CTU2: variants seen among roughly 807,000 people sequenced by gnomAD.
The protein encoded by CTU2 is cytosolic thiouridylase subunit 2.
Under a neutral mutation model 64.1 loss-of-function variants are expected in CTU2, and 80 were observed. That is an observed-to-expected ratio of 1.25 (90% CI 1.04 to 1.50). The LOEUF (loss-of-function observed/expected upper bound fraction) is 1.50, where lower values mean the gene tolerates loss of function less well. Among genes scored for constraint, CTU2 ranks in the 40% most tolerant of loss-of-function variants. CTU2 has a pLI of 0.00. For missense variants in CTU2, 1,110 were observed against 690.2 expected, an observed-to-expected ratio of 1.61 and a Z score of -6.81; for synonymous variants, 482 against 285.3, an observed-to-expected ratio of 1.69 and a Z score of -6.95.
chr16:88,713,487 C>T (rs1489426047), intron 8 of CTU2, 40 bp downstream of exon 8: 6 of 1,556,318 alleles, frequency 3.9e-6, no homozygotes, highest in African/African-American at 2.8e-5. Flanking sequence ...CCATCCTCAC[C>T]TTCACCCCTT....
chr16:88,708,661 G>A (rs1433377865), intron 2 of CTU2, among the ~76,000 whole-genome samples: 1 of 152,106 alleles, frequency 6.6e-6, no homozygotes, highest in Non-Finnish European at 1.5e-5. Flanking sequence ...AGGAACCACA[G>A]GGGGGTCATT....
In CTU2 at chr16:88,712,253, C is replaced by CT. The variant is rs779427336; in HGVS notation, c.344-18dup. On this transcript the variant is annotated intron_variant, in intron 5 of 14. Coordinates refer to ENST00000453996, the MANE Select transcript of CTU2 (RefSeq NM_001012759.3). ...CCTGGCTCCTCTCTGAGCCCTGACTCTTTCTGCCTGGGTTTTTCAGAGGGA... is the reference window on the plus strand; with the variant it reads ...CCTGGCTCCTCTCTGAGCCCTGACTCTTTTCTGCCTGGGTTTTTCAGAGGGA... The CT allele has an allele frequency of 2.5e-6, 4 of 1,576,274 alleles. No homozygotes were observed. The South Asian group carries it at 4.6e-5, about 18-fold the overall frequency.
At chr16:88,715,154 C>G in intron 14 of CTU2, 28 bp from the exon 15 acceptor site, 1 of 1,610,258 alleles carries the variant, frequency 6.2e-7, no homozygotes, top group Non-Finnish European at 8.5e-7. Flanking sequence ...GGCCTCGGGG[C>G]TGGTGCCCAC....
At chr16:88,713,262 C>G (rs1163326238) in intron 7 of CTU2, 50 bp from the exon 8 acceptor site, 19 of 1,480,180 alleles carry the variant, frequency 1.3e-5, no homozygotes, top group Non-Finnish European at 1.7e-5. Context: ...GAGAGCCCCC[C>G]TTCCCCGGGT....
chr16:88,711,364 G>T (rs1911306585), intron 4 of CTU2, among the ~76,000 whole-genome samples: 1 of 152,142 alleles, frequency 6.6e-6, no homozygotes, highest in Non-Finnish European at 1.5e-5. Context: ...GGGCGTTGTT[G>T]GGACATCCAG....
rs924885838 is a variant in CTU2, at chr16:88,712,809, C to G, written c.641C>G (p.Ala214Gly). Reference sequence around the variant, plus strand: ...CCCCCGCTGGACCCCCAGAACCTGGCAAGACCGCCTGCCCCTGCCCAGACT... The same window carrying G: ...CCCCCGCTGGACCCCCAGAACCTGGGAAGACCGCCTGCCCCTGCCCAGACT... The part of the protein sequence containing the change: ...PQPPLDPQNL[A>G]RPPAPAQTEA... Residue 214 changes from alanine to glycine, a missense_variant, in exon 7 of 15, where the codon GCA becomes GGA. By Grantham distance (60) the Ala-to-Gly change is moderately conservative. Transcript: ENST00000453996. 13 of 1,605,774 alleles carry G rather than the reference C, an allele frequency of 8.1e-6. No homozygotes were observed. Among genetic ancestry groups the G allele is most frequent in the Non-Finnish European group, 1.1e-5 (13 of 1,176,738 alleles).
chr16:88,715,067 C>A lies in CTU2; in HGVS notation c.1439C>A (p.Pro480Gln). The A allele has an allele frequency of 6.4e-7, 1 of 1,572,150 alleles. No individual in the cohort carries two copies. The highest frequency in any genetic ancestry group is 1.7e-5 in the Admixed American group (1 of 57,568). ...MKDLPSLDPL[P>Q]PYILAEAQLR... is the part of the protein sequence containing the mutation. ...TTGCAGCCCTCACTGGACCCCCTGC[C>A]GCCGTACATCCTGGCTGAGGCCCAG... is the stretch of plus-strand genomic sequence containing the variant. Residue 480 changes from proline (P) to glutamine (Q), a missense_variant, in exon 14 of 15, where the codon CCG becomes CAG. By Grantham distance (76) the Pro-to-Gln change is moderately conservative. Coordinates refer to ENST00000453996, the MANE Select transcript of CTU2 (RefSeq NM_001012759.3).
chr16:88,712,521 C>T, intron 6 of CTU2, 101 bp from the exon 7 acceptor site: 6 of 1,510,060 alleles, frequency 4.0e-6, no homozygotes, highest in Non-Finnish European at 5.4e-6. Flanking sequence ...TGCCCGTGCC[C>T]CAGCCTCACT....
In CTU2 at chr16:88,715,137, G is replaced by A. The variant is rs201772751; in HGVS notation, c.1478+31G>A. On this transcript the variant is annotated intron_variant, in intron 14 of 14. Transcript: ENST00000453996. ...GGGGCCCACACTGCCGTGGCGCGTG[G>A]GTAAGGGGCCTCGGGGCTGGTGCCC... is the stretch of plus-strand genomic sequence containing the variant. 16 of 1,607,624 alleles carry A rather than the reference G, an allele frequency of 1.0e-5. No homozygotes were observed. The East Asian group carries it at 3.1e-4, about 31-fold the overall frequency.
chr16:88,709,671 C>A (rs1304335025), intron 2 of CTU2: 2 of 492,934 alleles, frequency 4.1e-6, no homozygotes, highest in Non-Finnish European at 3.6e-6. Flanking sequence ...CGGGGCTCTG[C>A]CCTCGTTTGC....
At chr16:88,714,035 G>A (rs969232228) in intron 9 of CTU2, 101 bp from the exon 10 acceptor site, 4 of 1,224,652 alleles carry the variant, frequency 3.3e-6, no homozygotes, top group Non-Finnish European at 3.6e-6. Context: ...GACCCATGTG[G>A]GCCAGCAGCG....
intron 5 of CTU2, 28 bp downstream of exon 5, chr16:88,711,723 C>A (rs777793411): frequency 1.9e-6 from 3 of 1,597,090 alleles, no homozygotes; most frequent in African/African-American, 1.3e-5. Context: ...TCCTCCTAGT[C>A]CCTGGCCACT....
chr16:88,708,719 G>A (rs1911097217), intron 2 of CTU2, among the ~76,000 whole-genome samples: 1 of 152,126 alleles, frequency 6.6e-6, no homozygotes, highest in Admixed American at 6.5e-5. Flanking sequence ...GGACTGCTGT[G>A]CACATCAAGT....
chr16:88,712,288 G>C lies in CTU2; in HGVS notation c.358G>C (p.Gly120Arg), dbSNP rs1411406245. Residue 120 changes from glycine to arginine, a missense_variant, in exon 6 of 15, where the codon GGC becomes CGC. Physicochemically the swap from Gly to Arg is moderately radical, Grantham distance 125 (BLOSUM62 -2). Coordinates refer to ENST00000453996, the MANE Select transcript of CTU2 (RefSeq NM_001012759.3). ...GGGTTTTTCAGAGGGAGCAGCCTGT[G>C]GCCAGAGCCTAGAGGAGAGATCAAA... is the stretch of plus-strand genomic sequence containing the variant. ...VIFVDEGAAC[G>R]QSLEERSKTL... The C allele has an allele frequency of 1.9e-6, 3 of 1,604,248 alleles. No homozygotes were observed. Among genetic ancestry groups the C allele is most frequent in the Non-Finnish European group, 2.6e-6 (3 of 1,175,376 alleles).
At chr16:88,711,610 G>T in intron 4 of CTU2, 25 bp from the exon 5 acceptor site, 1 of 1,579,798 alleles carries the variant, frequency 6.3e-7, no homozygotes, top group Admixed American at 1.8e-5. Flanking sequence ...GCTGGGGGCT[G>T]AGTCCCTGCT....
At position 88,713,325 on chromosome 16, in the gene CTU2, C is replaced by T. The variant is rs1597431018; in HGVS notation, c.751C>T (p.Leu251Phe). Reference protein sequence around the residue: ...LLQTLRTHLILHMARAHGYSK... With the variant: ...LLQTLRTHLIFHMARAHGYSK... ...TCTGTGCTTTAGGACCCACCTGATC[C>T]TCCACATGGCCCGAGCCCACGGCTA... The change falls in exon 8 of 15, where the codon CTC becomes TTC. Residue 251 changes from leucine to phenylalanine, a missense_variant. Physicochemically the swap from Leu to Phe is conservative, Grantham distance 22 (BLOSUM62 0). Coordinates refer to ENST00000453996, the MANE Select transcript of CTU2 (RefSeq NM_001012759.3). 7 of 1,599,946 alleles carry T rather than the reference C, an allele frequency of 4.4e-6. No individual in the cohort carries two copies. The highest frequency in any genetic ancestry group is 1.1e-5 in the South Asian group (1 of 90,160).
In CTU2 at chr16:88,715,117, C is replaced by G. The variant is rs751632177; in HGVS notation, c.1478+11C>G. On this transcript the variant is annotated intron_variant, in intron 14 of 14. Coordinates refer to ENST00000453996, the MANE Select transcript of CTU2 (RefSeq NM_001012759.3). ...GCTCCGCACACAGAGGTACTGGGGC[C>G]CACACTGCCGTGGCGCGTGGGTAAG... 6.3e-7 allele frequency: 1 copy of G among 1,595,962 alleles called. No individual in the cohort carries two copies.
intron 2 of CTU2, among the ~76,000 whole-genome samples, chr16:88,708,044 C>T (rs899303498): frequency 1.2e-4 from 18 of 152,136 alleles, no homozygotes; most frequent in Non-Finnish European, 2.6e-4. Flanking sequence ...GAACTCCTGA[C>T]CTCAAGTGAT....
intron 1 of CTU2, 141 bp from the exon 2 acceptor site, chr16:88,706,995 A>T (rs549311283): frequency 1.4e-5 from 11 of 767,504 alleles, no homozygotes; most frequent in Non-Finnish European, 2.4e-5. Context: ...ACAGAACACA[A>T]GCCTGGGTTT....
Sources: gnomAD v4.1 joint callset for allele counts (sites outside exome capture counted in the v4.1 genomes callset) on GRCh38, gnomAD v4.1.1 for gene constraint, MANE v1.5 for transcripts, NCBI Gene and HGNC (gene_info 2026-07-23, HGNC 2026-07-21) for gene names.